The following AGAP1 variants were observed in gnomAD, a reference collection of about 807,000 sequenced individuals.
The protein encoded by AGAP1 is ArfGAP with GTPase domain, ankyrin repeat and PH domain 1.
A neutral mutation model predicts 105.3 loss-of-function variants in AGAP1; 29 were observed. The ratio of observed to expected loss-of-function variants is 0.28; its 90% confidence interval spans 0.21 to 0.38. The LOEUF (loss-of-function observed/expected upper bound fraction) is 0.38. Ranked by LOEUF, AGAP1 falls within the 10% of genes least tolerant of loss-of-function variation. AGAP1 has a pLI of 1.00. For synonymous variants in AGAP1, 509 were observed against 485.9 expected (o/e 1.05, Z -0.63); for missense variants, 998 against 1,165.1 (o/e 0.86, Z 2.09).
chr2:235,762,505 C>T (rs576618273), intron 6 of AGAP1, among the ~76,000 whole-genome samples: 39 of 152,140 alleles, frequency 2.6e-4, no homozygotes, highest in Non-Finnish European at 3.8e-4. Context: ...GATGCACTGA[C>T]GGCCTTAGGA....
At chr2:235,929,513 T>A (rs1298474534) in intron 11 of AGAP1, among the ~76,000 whole-genome samples, 1 of 152,202 alleles carries the variant, frequency 6.6e-6, no homozygotes, top group Non-Finnish European at 1.5e-5. Context: ...TTCTTTTTTT[T>A]TAAGGCAGAA....
chr2:235,629,206 A>G (rs910685282), intron 1 of AGAP1, among the ~76,000 whole-genome samples: 1 of 151,102 alleles, frequency 6.6e-6, no homozygotes, highest in South Asian at 2.1e-4. Flanking sequence ...ATCGTCTCCA[A>G]TCTCATCCAG....
intron 11 of AGAP1, among the ~76,000 whole-genome samples, chr2:235,915,142 G>A (rs1575768671): frequency 6.6e-6 from 1 of 152,212 alleles, no homozygotes; most frequent in East Asian, 1.9e-4. Context: ...CCAGCCTTCT[G>A]GTTGGCCAAG....
chr2:235,943,609 C>G (rs2053363365), intron 12 of AGAP1, among the ~76,000 whole-genome samples: 1 of 152,190 alleles, frequency 6.6e-6, no homozygotes, highest in Admixed American at 6.5e-5. Flanking sequence ...CTCGGCCTCC[C>G]AAAGTGCTGG....
In AGAP1 at chr2:235,777,084, C is replaced by T. The variant is rs191604142; in HGVS notation, c.674-20675C>T. ...AGTATTAGACAGAAGTGATGCTGGGCGCGGTGGCTCATGCCTGTAATTCCA... is the reference window on the plus strand; with the variant it reads ...AGTATTAGACAGAAGTGATGCTGGGTGCGGTGGCTCATGCCTGTAATTCCA... On this transcript the variant is annotated intron_variant, in intron 6 of 17. Transcript: ENST00000304032. This position sits in a 1 kb window ranked among gnomAD's most constrained non-coding sequence, Gnocchi z 5.1. The T allele has an allele frequency of 1.1e-5, 5 of 470,718 alleles. No individual in the cohort carries two copies. The highest frequency in any genetic ancestry group is 2.3e-5 in the Admixed American group (1 of 42,556). The allele number at this position is 470,718 out of a possible 1,614,324, so 29.2% of individuals were successfully genotyped here.
chr2:235,859,993 C>T (rs925514135), intron 9 of AGAP1, among the ~76,000 whole-genome samples: 1 of 152,186 alleles, frequency 6.6e-6, no homozygotes, highest in African/African-American at 2.4e-5. Context: ...CCATGGGTTA[C>T]CTTCCCCTCC....
At chr2:235,710,690 T>C (rs973347695) in intron 2 of AGAP1, among the ~76,000 whole-genome samples, 15 of 152,228 alleles carry the variant, frequency 9.9e-5, no homozygotes, top group Non-Finnish European at 1.3e-4. Flanking sequence ...TTAAGCCTAT[T>C]GAAGCCGTCC....
Position 236,014,095 on chromosome 2 carries a change from G to A in AGAP1, c.1646-22466G>A, listed in dbSNP as rs10185409. On this transcript the variant is annotated intron_variant, in intron 13 of 17. Transcript: ENST00000304032. The surrounding 1 kb of genome is among the most constrained non-coding windows in gnomAD (Gnocchi z 6.3). ...AAATTGGTTCTCTTCCGAACCCAGC[G>A]TCCCACTGTCGGTGACTTGGCGTTT... Among the ~76,000 whole-genome samples, 1,122 of 152,178 alleles carry A rather than the reference G, an allele frequency of 7.4e-3. 12 individuals are homozygous for A. The highest frequency in any genetic ancestry group is 0.026 in the African/African-American group (1,061 of 41,512).
In AGAP1 at chr2:235,719,865, G is replaced by C. The variant is rs189297324; in HGVS notation, c.310+2221G>C. ...TGCACCCCAGTGGGTGTGTGTCTAG[G>C]GCCCCTGGGTGCTGAAAGAATTATG... On this transcript the variant is annotated intron_variant, in intron 3 of 17. Coordinates refer to ENST00000304032, the MANE Select transcript of AGAP1 (RefSeq NM_001037131.3). This position sits in a 1 kb window ranked among gnomAD's most constrained non-coding sequence, Gnocchi z 4.9. 4.7e-3 allele frequency among the ~76,000 whole-genome samples: 712 copies of C among 152,272 alleles called. 4 individuals carry two copies. Among genetic ancestry groups the C allele is most frequent in the Non-Finnish European group, 8.1e-3 (551 of 68,018 alleles).
At chr2:235,567,633 C>T (rs866295902) in intron 1 of AGAP1, among the ~76,000 whole-genome samples, 2 of 152,000 alleles carry the variant, frequency 1.3e-5, no homozygotes, top group East Asian at 1.9e-4. Flanking sequence ...CCCAGCCGGT[C>T]GCATACTGTG....
At chr2:235,870,954 A>G (rs537073985) in intron 9 of AGAP1, among the ~76,000 whole-genome samples, 3 of 152,334 alleles carry the variant, frequency 2.0e-5, no homozygotes, top group South Asian at 4.1e-4. Flanking sequence ...TCTTGTGGGT[A>G]TCCTTTGTGT....
chr2:235,885,262 A>G (rs2050218627), intron 10 of AGAP1, among the ~76,000 whole-genome samples: 2 of 152,158 alleles, frequency 1.3e-5, no homozygotes, highest in South Asian at 4.1e-4. Flanking sequence ...AGATATTTTC[A>G]TGTCAAGAAA....
chr2:235,967,714 T>G lies in AGAP1; in HGVS notation c.1484-748T>G, dbSNP rs777267424. Reference sequence around the variant, plus strand: ...TCAGTGGGCTTTTTTCCACCCGGCTTGAATTATATGCGCGTTCTGGTCATG... The same window carrying G: ...TCAGTGGGCTTTTTTCCACCCGGCTGGAATTATATGCGCGTTCTGGTCATG... On this transcript the variant is annotated intron_variant, in intron 12 of 17. Coordinates refer to ENST00000304032, the MANE Select transcript of AGAP1 (RefSeq NM_001037131.3). The surrounding 1 kb of genome is among the most constrained non-coding windows in gnomAD (Gnocchi z 4.7). Among the ~76,000 whole-genome samples, 2 of 152,238 alleles carry G rather than the reference T, an allele frequency of 1.3e-5. No individual in the cohort carries two copies. The highest frequency in any genetic ancestry group is 4.1e-4 in the South Asian group (2 of 4,836).
At chr2:235,727,295 T>C (rs1218936369) in intron 3 of AGAP1, among the ~76,000 whole-genome samples, 1 of 151,758 alleles carries the variant, frequency 6.6e-6, no homozygotes, top group Non-Finnish European at 1.5e-5. Context: ...CCCAACCCTG[T>C]GTCTTCAGGG....
chr2:235,689,751 C>T lies in AGAP1; in HGVS notation c.164-19428C>T, dbSNP rs1354904958. On this transcript the variant is annotated intron_variant, in intron 1 of 17. Transcript: ENST00000304032. The surrounding 1 kb of genome is among the most constrained non-coding windows in gnomAD (Gnocchi z 4.2). ...GCTGCACTGTTGGTAAACTGTCCTG[C>T]ATGTGTGTACGTGCACACTTGTGTG... Among the ~76,000 whole-genome samples the T allele has an allele frequency of 1.3e-5, 2 of 152,216 alleles. No individual in the cohort carries two copies. The highest frequency in any genetic ancestry group is 4.8e-5 in the African/African-American group (2 of 41,462).
intron 1 of AGAP1, among the ~76,000 whole-genome samples, chr2:235,684,156 C>T (rs1331122106): frequency 6.6e-6 from 1 of 152,188 alleles, no homozygotes; most frequent in Non-Finnish European, 1.5e-5. Flanking sequence ...ATTCTCCTGC[C>T]TCAGCCTCCC....
chr2:235,962,734 G>C lies in AGAP1; in HGVS notation c.1484-5728G>C, dbSNP rs984761647. On this transcript the variant is annotated intron_variant, in intron 12 of 17. Coordinates refer to ENST00000304032, the MANE Select transcript of AGAP1 (RefSeq NM_001037131.3). The surrounding 1 kb of genome is among the most constrained non-coding windows in gnomAD (Gnocchi z 5.3). ...ATTCCAAAGGAGGTGTGTGCGAGAG[G>C]TTGAAAACTAGAAGCTCTGGTTGAA... Among the ~76,000 whole-genome samples, 1 of 152,204 alleles carries C rather than the reference G, an allele frequency of 6.6e-6. No homozygotes were observed. Among genetic ancestry groups the C allele is most frequent in the Middle Eastern group, 3.2e-3 (1 of 316 alleles).
chr2:236,111,953 G>T (rs922946934), intron 16 of AGAP1, among the ~76,000 whole-genome samples: 3 of 152,160 alleles, frequency 2.0e-5, no homozygotes, highest in East Asian at 3.9e-4. Context: ...GTTGTCACGC[G>T]ACTGGTCTTG....
chr2:235,759,314 G>A (rs113900248), intron 6 of AGAP1, among the ~76,000 whole-genome samples: 25 of 151,990 alleles, frequency 1.6e-4, no homozygotes, highest in East Asian at 1.6e-3. Flanking sequence ...GACTACAGGC[G>A]CCTGCCACCA....
Sources: gnomAD v4.1 joint callset for allele counts (sites outside exome capture counted in the v4.1 genomes callset) on GRCh38, gnomAD v4.1.1 for gene constraint, Gnocchi (gnomAD v3.1) non-coding constraint, MANE v1.5 for transcripts, NCBI Gene and HGNC (gene_info 2026-07-23, HGNC 2026-07-21) for gene names.